The following MID1 variants were observed in gnomAD, a reference collection of about 807,000 sequenced individuals.
The protein encoded by MID1 is midline 1.
In MID1, 7 loss-of-function variants were observed where a neutral mutation model predicts 40.4. The ratio of observed to expected loss-of-function variants is 0.17; its 90% CI spans 0.10 to 0.33. MID1 has a LOEUF of 0.33. MID1 is among the 10% of genes least tolerant of loss of function. The pLI is 1.00. For synonymous variants in MID1, 229 were observed against 221.2 expected (o/e 1.04, Z -0.31); for missense variants, 367 against 558.5 (o/e 0.66, Z 3.46).
intron 3 of MID1, among the ~76,000 whole-genome samples, chrX:10,517,542 A>G (rs1445298015): frequency 3.6e-5 from 4 of 112,588 alleles, no homozygotes; most frequent in Non-Finnish European, 7.5e-5. Flanking sequence ...ACACAGGTCT[A>G]TGTGTTCCTT....
chrX:10,705,230 T>C (rs750813335), intron 1 of MID1, among the ~76,000 whole-genome samples: 6 of 112,926 alleles, frequency 5.3e-5, no homozygotes, highest in African/African-American at 1.6e-4. Flanking sequence ...TAAACTTTAA[T>C]AGGAAATTTG....
chrX:10,459,897 AAT>A, intron 7 of MID1, 90 bp from the exon 8 acceptor site: 1 of 970,497 alleles, frequency 1.0e-6, no homozygotes, highest in Non-Finnish European at 1.5e-6. Flanking sequence ...CATTTATTTG[AAT>A]AGAGTTGGTA....
chrX:10,515,558 G>T (rs1298090084), intron 3 of MID1, among the ~76,000 whole-genome samples: 1 of 112,187 alleles, frequency 8.9e-6, no homozygotes. Context: ...ATGGCAAAAA[G>T]AATTTTAAGA....
In MID1 at chrX:10,754,753, G is replaced by A. The variant is rs138275281; in HGVS notation, c.-187+78801C>T. On this transcript the variant is annotated intron_variant, in intron 1 of 10. Transcript: ENST00000380785. Reference sequence around the variant, plus strand: ...CTCCATGATCAGTCTAGGGTCTAGGGAACATTTCCCTTGGAAAGTTCACAT... The same window carrying A: ...CTCCATGATCAGTCTAGGGTCTAGGAAACATTTCCCTTGGAAAGTTCACAT... Among the ~76,000 whole-genome samples, 364 of 111,242 alleles carry A rather than the reference G, an allele frequency of 3.3e-3. 3 individuals are homozygous for A. The highest frequency in any genetic ancestry group is 0.011 in the African/African-American group (330 of 30,557).
intron 1 of MID1, among the ~76,000 whole-genome samples, chrX:10,675,383 C>A (rs183111953): frequency 3.6e-5 from 4 of 111,627 alleles, no homozygotes; most frequent in African/African-American, 9.8e-5. Flanking sequence ...AAGATTACCA[C>A]CCTGTCTTGG....
At chrX:10,788,869 G>A (rs987987511) in intron 1 of MID1, among the ~76,000 whole-genome samples, 1 of 112,376 alleles carries the variant, frequency 8.9e-6, no homozygotes, top group Non-Finnish European at 1.9e-5. Flanking sequence ...GGCGGCTTAC[G>A]CCTGTAATCC....
chrX:10,703,036 A>G (rs2043202315), intron 1 of MID1, among the ~76,000 whole-genome samples: 1 of 112,053 alleles, frequency 8.9e-6, no homozygotes, highest in Non-Finnish European at 1.9e-5. Context: ...CTGTGAAAAA[A>G]ATGTCTGCTG....
At chrX:10,653,657 A>T (rs2042849619) in intron 1 of MID1, among the ~76,000 whole-genome samples, 1 of 113,116 alleles carries the variant, frequency 8.8e-6, no homozygotes, top group Admixed American at 9.3e-5. Flanking sequence ...AAACTCAAAG[A>T]GTTGAAATAT....
intron 1 of MID1, among the ~76,000 whole-genome samples, chrX:10,685,183 T>C (rs1194470079): frequency 8.9e-6 from 1 of 112,207 alleles, no homozygotes; most frequent in Non-Finnish European, 1.9e-5. Flanking sequence ...TCAATGGCCA[T>C]AATAGTTCAT....
intron 1 of MID1, among the ~76,000 whole-genome samples, chrX:10,630,874 C>T (rs1338598393): frequency 1.8e-5 from 2 of 110,497 alleles, no homozygotes; most frequent in Non-Finnish European, 3.8e-5. Context: ...AGAGCAGAAA[C>T]GAGGTTTCCA....
chrX:10,684,377 TTTTCTTTC>T (rs760561518), intron 1 of MID1, among the ~76,000 whole-genome samples: 7 of 108,009 alleles, frequency 6.5e-5, no homozygotes, highest in Admixed American at 1.0e-4. Context: ...CTCTCTTTTC[TTTTCTTTC>T]TTTCTTTCTT....
At position 10,620,391 on chromosome X, in the gene MID1, C is replaced by A. The variant is rs147326498; in HGVS notation, c.-158G>T. ...GCGGAAACACCGAACCCGACAGGAG[C>A]CCGCAAGACAAAAGCAACCCGGCGA... On this transcript the variant is annotated 5_prime_UTR_variant, in exon 1 of 10. Coordinates refer to ENST00000317552, the MANE Select transcript of MID1 (RefSeq NM_000381.4). The A allele has an allele frequency of 0.013, 1,448 of 112,839 alleles. 7 individuals are homozygous for A. Among genetic ancestry groups the A allele is most frequent in the Non-Finnish European group, 0.021 (1,099 of 53,281 alleles). The allele number at this position is 112,839 out of a possible 1,213,427, so 9.3% of individuals were successfully genotyped here.
rs779639882 is a variant in MID1, at chrX:10,832,544, A to T, written c.-187+1010T>A. 2.7e-5 allele frequency among the ~76,000 whole-genome samples: 3 copies of T among 112,469 alleles called. No individual in the cohort carries two copies. In the East Asian group the frequency reaches 8.3e-4, roughly 31 times the overall value. Reference sequence around the variant, plus strand: ...TAAAGTCTGTATATGACAGAAAACAACAGTATTCCTTTGAAAGACGAGCAG... The same window carrying T: ...TAAAGTCTGTATATGACAGAAAACATCAGTATTCCTTTGAAAGACGAGCAG... On this transcript the variant is annotated intron_variant, in intron 1 of 10. Coordinates refer to the MID1 transcript ENST00000380785.
At chrX:10,496,701 T>C (rs1247828223) in intron 3 of MID1, among the ~76,000 whole-genome samples, 1 of 112,240 alleles carries the variant, frequency 8.9e-6, no homozygotes, top group Non-Finnish European at 1.9e-5. Context: ...TCATTCTCTA[T>C]GAATGAGATA....
At chrX:10,662,321 GAAAC>G (rs1413396724) in intron 1 of MID1, among the ~76,000 whole-genome samples, 3 of 110,248 alleles carry the variant, frequency 2.7e-5, no homozygotes, top group South Asian at 7.8e-4. Context: ...AACAAACAAA[GAAAC>G]AAACAGATAC....
intron 2 of MID1, among the ~76,000 whole-genome samples, chrX:10,536,819 T>C (rs1369417435): frequency 2.7e-5 from 3 of 112,380 alleles, no homozygotes; most frequent in African/African-American, 9.7e-5. Context: ...CTCTCCCCAC[T>C]TTCCCTTTCT....
At chrX:10,451,395 G>A (rs573958537) in intron 9 of MID1, among the ~76,000 whole-genome samples, 1 of 111,734 alleles carries the variant, frequency 8.9e-6, no homozygotes, top group African/African-American at 3.3e-5. Context: ...CCTGCCTTGT[G>A]CTGTGGGCAA....
intron 7 of MID1, among the ~76,000 whole-genome samples, chrX:10,466,840 C>T (rs1004383679): frequency 8.9e-6 from 1 of 111,975 alleles, no homozygotes; most frequent in African/African-American, 3.2e-5. Flanking sequence ...CAGTGAAATA[C>T]AATAAGCTCA....
intron 1 of MID1, among the ~76,000 whole-genome samples, chrX:10,757,950 G>A (rs978506892): frequency 9.5e-6 from 1 of 105,381 alleles, no homozygotes; most frequent in Non-Finnish European, 1.9e-5. Flanking sequence ...GGTCTCATAA[G>A]TCACTTTATT....
Sources: allele counts gnomAD v4.1 joint callset (sites outside exome capture counted in the v4.1 genomes callset), GRCh38; gene constraint gnomAD v4.1.1; transcripts MANE v1.5; gene names NCBI Gene and HGNC (gene_info 2026-07-23, HGNC 2026-07-21).